KLHL14: variants seen among roughly 807,000 people sequenced by gnomAD.
KLHL14 encodes kelch like family member 14.
Under a neutral mutation model 64.3 loss-of-function variants are expected in KLHL14, and 22 were observed. That is an observed-to-expected ratio of 0.34 (90% CI 0.24 to 0.49). The LOEUF (loss-of-function observed/expected upper bound fraction) is 0.49, where lower values mean the gene tolerates loss of function less well. KLHL14 is among the 20% of genes least tolerant of loss of function. KLHL14 has a pLI of 0.99. For missense variants in KLHL14, 661 were observed against 789.0 expected, an observed-to-expected ratio of 0.84 and a Z score of 1.94; for synonymous variants, 322 against 333.4, an observed-to-expected ratio of 0.97 and a Z score of 0.37.
chr18:32,684,028 T>C (rs2049857542), intron 5 of KLHL14, among the ~76,000 whole-genome samples: 1 of 152,210 alleles, frequency 6.6e-6, no homozygotes, highest in Admixed American at 6.5e-5. Flanking sequence ...AACTGCTTTT[T>C]CTTTTTCTAT....
intron 3 of KLHL14, among the ~76,000 whole-genome samples, chr18:32,709,564 C>G (rs1246929407): frequency 1.3e-5 from 2 of 152,098 alleles, no homozygotes; most frequent in African/African-American, 2.4e-5. Flanking sequence ...CCTCCCCCCT[C>G]AGCCTTCCCA....
intron 4 of KLHL14, among the ~76,000 whole-genome samples, chr18:32,687,989 T>A (rs751047418): frequency 6.6e-6 from 1 of 152,170 alleles, no homozygotes; most frequent in Non-Finnish European, 1.5e-5. Context: ...AAATGGGAAA[T>A]GTGAGTCCTC....
chr18:32,712,777 C>T (rs981555505), intron 3 of KLHL14, among the ~76,000 whole-genome samples: 1 of 152,124 alleles, frequency 6.6e-6, no homozygotes, highest in African/African-American at 2.4e-5. Flanking sequence ...TTTCATAATT[C>T]CATGGACACA....
intron 2 of KLHL14, chr18:32,743,850 T>A (rs2050211170): frequency 6.6e-6 from 1 of 152,230 alleles, no homozygotes; most frequent in African/African-American, 2.4e-5. Flanking sequence ...CCTAGATGCA[T>A]GGCCACAGAG....
At chr18:32,714,907 T>G (rs1417252284) in intron 3 of KLHL14, among the ~76,000 whole-genome samples, 1 of 151,560 alleles carries the variant, frequency 6.6e-6, no homozygotes, top group African/African-American at 2.4e-5. Flanking sequence ...TTTCTTTTGA[T>G]GCAGATTACA....
chr18:32,725,156 G>C (rs2050101620), intron 3 of KLHL14, among the ~76,000 whole-genome samples: 1 of 151,960 alleles, frequency 6.6e-6, no homozygotes, highest in South Asian at 2.1e-4. Flanking sequence ...CAAGTAGGTG[G>C]GATGGGACTA....
chr18:32,710,860 CTTTG>C (rs2050015577), intron 3 of KLHL14, among the ~76,000 whole-genome samples: 1 of 152,000 alleles, frequency 6.6e-6, no homozygotes, highest in African/African-American at 2.4e-5. Context: ...TGTTAGGCAC[CTTTG>C]GGTGCCTAAC....
At chr18:32,699,128 A>C (rs1450940382) in intron 3 of KLHL14, among the ~76,000 whole-genome samples, 1 of 152,136 alleles carries the variant, frequency 6.6e-6, no homozygotes, top group African/African-American at 2.4e-5. Context: ...CCCTCCTTCT[A>C]CCAGAGCAAT....
intron 3 of KLHL14, among the ~76,000 whole-genome samples, chr18:32,727,607 G>A (rs1268608328): frequency 6.6e-6 from 1 of 152,136 alleles, no homozygotes; most frequent in African/African-American, 2.4e-5. Context: ...TAAGGGAAAT[G>A]ACTTGGGTTT....
At chr18:32,742,550 A>C (rs528914276) in intron 2 of KLHL14, among the ~76,000 whole-genome samples, 1 of 152,334 alleles carries the variant, frequency 6.6e-6, no homozygotes, top group South Asian at 2.1e-4. Context: ...AATTAGTAGC[A>C]CAGGGCTAAC....
At chr18:32,705,890 A>G (rs2049987774) in intron 3 of KLHL14, among the ~76,000 whole-genome samples, 1 of 152,194 alleles carries the variant, frequency 6.6e-6, no homozygotes, top group Non-Finnish European at 1.5e-5. Flanking sequence ...TCCCATCTGG[A>G]CCACTCTCTT....
At chr18:32,753,136 C>T (rs2050265044) in intron 2 of KLHL14, among the ~76,000 whole-genome samples, 3 of 152,032 alleles carry the variant, frequency 2.0e-5, no homozygotes, top group African/African-American at 4.8e-5. Context: ...TATAACAATA[C>T]CTAACTTATT....
chr18:32,687,507 A>G (rs911181813), intron 4 of KLHL14, among the ~76,000 whole-genome samples: 16 of 152,150 alleles, frequency 1.1e-4, no homozygotes, highest in African/African-American at 3.9e-4. Context: ...ACATTTACCA[A>G]ACTGGCTTTT....
intron 2 of KLHL14, among the ~76,000 whole-genome samples, chr18:32,756,741 A>G (rs578225889): frequency 2.0e-5 from 3 of 152,174 alleles, no homozygotes; most frequent in Non-Finnish European, 4.4e-5. Context: ...TCTCTTTTCA[A>G]TTTTGAATAC....
At chr18:32,761,682 A>G (rs1322673124) in intron 2 of KLHL14, among the ~76,000 whole-genome samples, 1 of 152,114 alleles carries the variant, frequency 6.6e-6, no homozygotes, top group African/African-American at 2.4e-5. Context: ...ATTTTGTGTT[A>G]CTATTTACTC....
At chr18:32,676,152 A>T (rs1025372076) in intron 8 of KLHL14, among the ~76,000 whole-genome samples, 1 of 152,192 alleles carries the variant, frequency 6.6e-6, no homozygotes, top group African/African-American at 2.4e-5. Context: ...AGAAATAAAT[A>T]AAGGAAAAAG....
At chr18:32,741,169 A>G (rs1177307854) in intron 3 of KLHL14, among the ~76,000 whole-genome samples, 1 of 152,234 alleles carries the variant, frequency 6.6e-6, no homozygotes, top group Non-Finnish European at 1.5e-5. Flanking sequence ...TTTATTGACC[A>G]GTGCAGCCAC....
At chr18:32,715,489 T>C (rs2050040641) in intron 3 of KLHL14, among the ~76,000 whole-genome samples, 1 of 149,790 alleles carries the variant, frequency 6.7e-6, no homozygotes, top group African/African-American at 2.5e-5. Flanking sequence ...TATAAATGCA[T>C]GGGTATTTAC....
intron 8 of KLHL14, among the ~76,000 whole-genome samples, chr18:32,676,670 G>A (rs1249210329): frequency 1.3e-5 from 2 of 152,126 alleles, no homozygotes; most frequent in Non-Finnish European, 2.9e-5. Context: ...GTTGATGGAT[G>A]TTGAAGCTGA....
Sources: gnomAD v4.1 joint callset for allele counts (sites outside exome capture counted in the v4.1 genomes callset) on GRCh38, gnomAD v4.1.1 for gene constraint, MANE v1.5 for transcripts, NCBI Gene and HGNC (gene_info 2026-07-23, HGNC 2026-07-21) for gene names.